KIAA1217: variants seen among roughly 807,000 people sequenced by gnomAD.
KIAA1217 encodes sickle tail protein homolog.
In KIAA1217, 88 loss-of-function variants were observed where a neutral mutation model predicts 163.9. The ratio of observed to expected loss-of-function variants is 0.54; its 90% CI spans 0.45 to 0.64. The LOEUF is 0.64. Ranked by LOEUF, KIAA1217 falls within the 30% of genes least tolerant of loss-of-function variation. KIAA1217 has a pLI of 0.00. For missense variants in KIAA1217, 2,372 were observed against 2,475.0 expected (o/e 0.96, Z 0.88); for synonymous variants, 903 against 923.1 (o/e 0.98, Z 0.39).
At chr10:24,173,598 G>A (rs760496164) in intron 2 of KIAA1217, among the ~76,000 whole-genome samples, 22 of 152,032 alleles carry the variant, frequency 1.4e-4, no homozygotes, top group Non-Finnish European at 2.6e-4. Context: ...GTTCTAAAGA[G>A]ATCATCTGGT....
intron 1 of KIAA1217, among the ~76,000 whole-genome samples, chr10:23,985,793 C>T (rs1389918502): frequency 1.3e-5 from 2 of 152,140 alleles, no homozygotes; most frequent in African/African-American, 4.8e-5. Flanking sequence ...CCAATGGCTT[C>T]CTTTCTTCTC....
At chr10:23,748,720 A>G (rs190023364) in intron 1 of KIAA1217, among the ~76,000 whole-genome samples, 84 of 152,176 alleles carry the variant, frequency 5.5e-4, no homozygotes, top group African/African-American at 1.9e-3. Context: ...TTTTACAGGT[A>G]ACGTTTCTTC....
In KIAA1217 at chr10:23,934,623, A is replaced by ATTTTT. The variant is rs1475453455; in HGVS notation, c.-320-72601_-320-72600insTTTTT. Among the ~76,000 whole-genome samples the ATTTTT allele has an allele frequency of 2.8e-4, 17 of 61,438 alleles. 2 individuals are homozygous for ATTTTT. Among genetic ancestry groups the ATTTTT allele is most frequent in the African/African-American group, 2.7e-3 (14 of 5,190 alleles). The allele number at this position is 61,438 out of a possible 152,430, so 40.3% of individuals were successfully genotyped here. ...TATATATATGTATATATATATATATATATTTTTTTTTTGAGACGGAGTCTC... is the reference window on the plus strand; with the variant it reads ...TATATATATGTATATATATATATATATTTTTTATTTTTTTTTTGAGACGGAGTCTC... On this transcript the variant is annotated intron_variant, in intron 1 of 18. Transcript: ENST00000376462.
intron 2 of KIAA1217, among the ~76,000 whole-genome samples, chr10:24,250,165 C>T (rs1387632192): frequency 6.6e-6 from 1 of 152,132 alleles, no homozygotes; most frequent in Non-Finnish European, 1.5e-5. Flanking sequence ...ATGTCAAAAG[C>T]ATTTGTTAAG....
At chr10:24,364,857 A>C (rs984668572) in intron 2 of KIAA1217, among the ~76,000 whole-genome samples, 3 of 150,794 alleles carry the variant, frequency 2.0e-5, no homozygotes, top group Non-Finnish European at 4.4e-5. Context: ...TGGTGTGATC[A>C]TAGCTCACTG....
At chr10:24,228,192 A>G (rs1279544675) in intron 2 of KIAA1217, among the ~76,000 whole-genome samples, 1 of 151,916 alleles carries the variant, frequency 6.6e-6, no homozygotes, top group Non-Finnish European at 1.5e-5. Context: ...AGCCTGGGAG[A>G]TCAAGGCTGC....
chr10:24,061,151 GT>G (rs2060708101), intron 2 of KIAA1217, among the ~76,000 whole-genome samples: 1 of 151,838 alleles, frequency 6.6e-6, no homozygotes, highest in South Asian at 2.1e-4. Context: ...TTTTTCTTGT[GT>G]GTATTTTTCT....
chr10:24,158,141 TCAA>T (rs2064962589), intron 2 of KIAA1217: 2 of 752,926 alleles, frequency 2.7e-6, no homozygotes, highest in Non-Finnish European at 5.0e-6. Context: ...GGGATTTGGA[TCAA>T]CACCTTTAAC....
At position 23,790,502 on chromosome 10, in the gene KIAA1217, C is replaced by T. The variant is rs946519194; in HGVS notation, c.-321+95268C>T. ...GTGCATATATACATATATACATGTG[C>T]ATATATACATATGTATATATACATA... On this transcript the variant is annotated intron_variant, in intron 1 of 18. Transcript: ENST00000376462. Among the ~76,000 whole-genome samples, 108 of 99,192 alleles carry T rather than the reference C, an allele frequency of 1.1e-3. 9 individuals carry two copies. In the South Asian group the frequency reaches 0.021, roughly 19 times the overall value. The allele number at this position is 99,192 out of a possible 152,430, so 65.1% of individuals were successfully genotyped here.
At chr10:24,137,599 A>C (rs926851846) in intron 2 of KIAA1217, among the ~76,000 whole-genome samples, 1 of 152,220 alleles carries the variant, frequency 6.6e-6, no homozygotes, top group Non-Finnish European at 1.5e-5. Flanking sequence ...TTAAGCAAGG[A>C]GTTTTTAAAA....
At chr10:24,235,787 G>A (rs142800385) in intron 2 of KIAA1217, among the ~76,000 whole-genome samples, 3 of 152,084 alleles carry the variant, frequency 2.0e-5, no homozygotes, top group South Asian at 2.1e-4. Context: ...TGTTAACTCC[G>A]TATCTCGGAG....
At chr10:24,328,490 C>A in intron 2 of KIAA1217, among the ~76,000 whole-genome samples, 1 of 98,724 alleles carries the variant, frequency 1.0e-5, no homozygotes, top group Non-Finnish European at 2.0e-5. Flanking sequence ...CTGGGGCGAT[C>A]AGTTTTTATG....
intron 2 of KIAA1217, among the ~76,000 whole-genome samples, chr10:24,193,170 C>T (rs372075419): frequency 1.3e-5 from 2 of 152,166 alleles, no homozygotes; most frequent in Non-Finnish European, 2.9e-5. Flanking sequence ...CTTCCCACCT[C>T]GGCCTCCCCC....
intron 1 of KIAA1217, among the ~76,000 whole-genome samples, chr10:23,970,095 G>C (rs1055270776): frequency 1.3e-5 from 2 of 152,144 alleles, no homozygotes; most frequent in Non-Finnish European, 2.9e-5. Flanking sequence ...GGAATTATGG[G>C]AGCTATAGTT....
intron 2 of KIAA1217, among the ~76,000 whole-genome samples, chr10:24,224,359 A>G (rs1478381688): frequency 1.3e-5 from 2 of 151,680 alleles, no homozygotes; most frequent in Admixed American, 6.6e-5. Flanking sequence ...TTTTTGAGAC[A>G]GAGTCTCACT....
At chr10:24,088,629 C>G (rs2061808604) in intron 2 of KIAA1217, among the ~76,000 whole-genome samples, 1 of 123,134 alleles carries the variant, frequency 8.1e-6, no homozygotes, top group African/African-American at 2.5e-5. Context: ...ATGAACTTAT[C>G]ATTTTTTATG....
At chr10:24,246,145 G>A (rs557912171) in intron 2 of KIAA1217, among the ~76,000 whole-genome samples, 6 of 152,206 alleles carry the variant, frequency 3.9e-5, no homozygotes, top group East Asian at 1.9e-4. Context: ...AAGCAGCTCC[G>A]GTAAAGAGCC....
At chr10:24,029,376 A>G (rs1369094533) in intron 2 of KIAA1217, among the ~76,000 whole-genome samples, 27 of 152,188 alleles carry the variant, frequency 1.8e-4, no homozygotes, top group Non-Finnish European at 4.4e-5. Flanking sequence ...CTATTCTCAC[A>G]CATCATGCCG....
At chr10:24,377,481 C>T (rs769051046) in intron 2 of KIAA1217, among the ~76,000 whole-genome samples, 11 of 152,078 alleles carry the variant, frequency 7.2e-5, no homozygotes, top group South Asian at 6.2e-4. Flanking sequence ...AAGTTTTCAC[C>T]GGAGGCAAAA....
Sources: allele counts gnomAD v4.1 joint callset (sites outside exome capture counted in the v4.1 genomes callset), GRCh38; gene constraint gnomAD v4.1.1; transcripts MANE v1.5; gene names NCBI Gene and HGNC (gene_info 2026-07-23, HGNC 2026-07-21).